ANO1: variants seen among roughly 807,000 people sequenced by gnomAD.
ANO1 encodes the protein anoctamin-1.
Under a neutral mutation model 124.0 loss-of-function variants are expected in ANO1, and 59 were observed. The ratio of observed to expected loss-of-function variants is 0.48; its 90% CI spans 0.39 to 0.59. ANO1 has a LOEUF of 0.59. Ranked by LOEUF, ANO1 falls within the 20% of genes least tolerant of loss-of-function variation. ANO1 has a pLI of 0.00. For missense variants in ANO1, 1,059 were observed against 1,328.0 expected, an observed-to-expected ratio of 0.80 and a Z score of 3.15; for synonymous variants, 529 against 532.0, an observed-to-expected ratio of 0.99 and a Z score of 0.08.
At chr11:70,085,408 C>A in intron 1 of ANO1, 2 of 1,512,266 alleles carry the variant, frequency 1.3e-6, no homozygotes, top group Non-Finnish European at 1.8e-6. Context: ...GCAAGGTGGG[C>A]GGGGCACGCA....
At chr11:70,117,992 T>C (rs2046058641) in intron 8 of ANO1, among the ~76,000 whole-genome samples, 1 of 152,196 alleles carries the variant, frequency 6.6e-6, no homozygotes, top group Admixed American at 6.5e-5. Flanking sequence ...ACTCCAATCC[T>C]GTTGGAAAAG....
chr11:70,143,314 C>T (rs1052150818), intron 11 of ANO1, among the ~76,000 whole-genome samples: 3 of 152,166 alleles, frequency 2.0e-5, no homozygotes, highest in Non-Finnish European at 2.9e-5. Context: ...GTTTGGGCAA[C>T]AGCATCTCAG....
At chr11:70,170,095 AGTGGGTCCCCACCC>A in intron 21 of ANO1, 1 of 455,612 alleles carries the variant, frequency 2.2e-6, no homozygotes, top group Non-Finnish European at 4.4e-6. Flanking sequence ...TGTCCTGGGC[AGTGGGTCCCCACCC>A]GGATCCAGGA....
At position 70,185,699 on chromosome 11, in the gene ANO1, C is replaced by T. The variant is rs766171774; in HGVS notation, c.2694+4C>T. 27 of 1,613,384 alleles carry T rather than the reference C, an allele frequency of 1.7e-5. No homozygotes were observed. Among genetic ancestry groups the T allele is most frequent in the Admixed American group, 5.0e-5 (3 of 60,014 alleles). On this transcript the variant is annotated splice_donor_region_variant and intron_variant, in intron 25 of 25. Transcript: ENST00000355303. ...GGCGTTTGTCATCGTCTTCCAGGTG[C>T]GGTGGGTCCCTCTTTGTTTCCGGTT...
intron 2 of ANO1, among the ~76,000 whole-genome samples, chr11:70,097,156 T>C (rs536362906): frequency 1.4e-3 from 218 of 152,352 alleles, no homozygotes; most frequent in Middle Eastern, 3.4e-3. Context: ...AAGACATCAC[T>C]GAGCAGGCCT....
intron 19 of ANO1, among the ~76,000 whole-genome samples, chr11:70,163,753 A>G (rs1395511608): frequency 6.6e-6 from 1 of 152,110 alleles, no homozygotes; most frequent in Non-Finnish European, 1.5e-5. Flanking sequence ...CCTGGCCAAC[A>G]TGGTGAAACC....
chr11:70,050,626 T>C (rs1208953302), intron 1 of ANO1, among the ~76,000 whole-genome samples: 1 of 152,184 alleles, frequency 6.6e-6, no homozygotes, highest in Non-Finnish European at 1.5e-5. Context: ...AAGCTTTTCC[T>C]CCTAACTTCT....
At chr11:70,101,339 T>A (rs2045264899) in intron 2 of ANO1, among the ~76,000 whole-genome samples, 2 of 151,966 alleles carry the variant, frequency 1.3e-5, no homozygotes, top group South Asian at 4.2e-4. Context: ...GCAGATCGCC[T>A]GAGGTCAGGA....
the ANO1 span, among the ~76,000 whole-genome samples, chr11:69,979,077 T>C: frequency 6.6e-6 from 1 of 152,198 alleles, no homozygotes; most frequent in Non-Finnish European, 1.5e-5. Context: ...TAGATGTTAG[T>C]CATACCTGCA....
chr11:70,071,770 C>T (rs1026416245), intron 1 of ANO1, among the ~76,000 whole-genome samples: 8 of 152,034 alleles, frequency 5.3e-5, no homozygotes, highest in East Asian at 3.9e-4. Context: ...ATTATAGGCA[C>T]GCACCACCAT....
At chr11:70,115,055 A>G (rs959664081) in intron 7 of ANO1, among the ~76,000 whole-genome samples, 4 of 152,138 alleles carry the variant, frequency 2.6e-5, no homozygotes, top group South Asian at 2.1e-4. Flanking sequence ...TGTCTCATCC[A>G]TGGAAAGAAA....
chr11:70,132,118 G>A, intron 11 of ANO1, 39 bp downstream of exon 11: 3 of 1,545,176 alleles, frequency 1.9e-6, no homozygotes, highest in Non-Finnish European at 2.6e-6. Flanking sequence ...TTGGGCAGTG[G>A]TGAGTCTGAG....
intron 1 of ANO1, among the ~76,000 whole-genome samples, chr11:70,059,190 T>TA (rs1555007353): frequency 7.0e-6 from 1 of 141,986 alleles, no homozygotes; most frequent in Non-Finnish European, 1.5e-5. Flanking sequence ...AGACTCTGTT[T>TA]CAAAAAAAAA....
upstream of ANO1, chr11:70,074,935 C>T (rs1387770351): frequency 6.6e-6 from 1 of 152,308 alleles, no homozygotes; most frequent in Admixed American, 6.5e-5. Flanking sequence ...CCTGGACTCA[C>T]CACCGCCAGG....
At chr11:70,016,103 C>T (rs1472048596) in intron 1 of ANO1, among the ~76,000 whole-genome samples, 58 of 151,998 alleles carry the variant, frequency 3.8e-4, no homozygotes, top group African/African-American at 1.4e-3. Flanking sequence ...TCTCGGTTCA[C>T]CGCAACCTCT....
At chr11:69,991,276 AT>A (rs1341002039) in intron 1 of ANO1, among the ~76,000 whole-genome samples, 1 of 152,252 alleles carries the variant, frequency 6.6e-6, no homozygotes, top group African/African-American at 2.4e-5. Context: ...AAAAGCTGAC[AT>A]TTGGCACACT....
intron 1 of ANO1, chr11:70,085,514 A>G (rs1479852138): frequency 1.3e-6 from 2 of 1,535,970 alleles, no homozygotes; most frequent in Non-Finnish European, 1.7e-6. Flanking sequence ...TCCTGCCGGC[A>G]CCAGATGCTG....
chr11:70,052,130 A>T (rs1857357925), intron 1 of ANO1, among the ~76,000 whole-genome samples: 1 of 152,188 alleles, frequency 6.6e-6, no homozygotes, highest in South Asian at 2.1e-4. Context: ...ATTCCACACC[A>T]CTTATTGATT....
At chr11:70,076,221 A>G (rs1361397816), upstream of ANO1, among the ~76,000 whole-genome samples, 1 of 152,230 alleles carries the variant, frequency 6.6e-6, no homozygotes, top group East Asian at 1.9e-4. Flanking sequence ...GAGCCTGGCT[A>G]CAGTATAAAT....
Sources: gnomAD v4.1 joint callset for allele counts (sites outside exome capture counted in the v4.1 genomes callset) on GRCh38, gnomAD v4.1.1 for gene constraint, MANE v1.5 for transcripts, NCBI Gene and HGNC (gene_info 2026-07-23, HGNC 2026-07-21) for gene names.